Variants in NRXN1 observed in about 807,000 individuals in gnomAD.
The protein encoded by NRXN1 is neurexin-1.
A neutral mutation model predicts 150.9 loss-of-function variants in NRXN1; 39 were observed. The ratio of observed to expected loss-of-function variants is 0.26; its 90% confidence interval spans 0.20 to 0.34. The LOEUF (loss-of-function observed/expected upper bound fraction) is 0.34, where lower values mean the gene tolerates loss of function less well. NRXN1 is among the 10% of genes least tolerant of loss of function. The pLI, the probability that NRXN1 is intolerant of heterozygous loss-of-function variation, is 1.00. For missense variants in NRXN1, 1,815 were observed against 1,949.9 expected (o/e 0.93, Z 1.30); for synonymous variants, 924 against 757.0 (o/e 1.22, Z -3.62).
At chr2:50,953,328 A>G (rs997731763) in intron 2 of NRXN1, among the ~76,000 whole-genome samples, 7 of 152,176 alleles carry the variant, frequency 4.6e-5, no homozygotes, top group Admixed American at 4.6e-4. Flanking sequence ...AGAAGCCCAT[A>G]ACAAATTGTC....
At chr2:50,915,084 G>A (rs559273037) in intron 5 of NRXN1, among the ~76,000 whole-genome samples, 1 of 151,768 alleles carries the variant, frequency 6.6e-6, no homozygotes, top group East Asian at 1.9e-4. Context: ...CCAAATTGCA[G>A]TATTAAGCAG....
intron 21 of NRXN1, among the ~76,000 whole-genome samples, chr2:50,019,978 G>A (rs67594428): frequency 0.37 from 30,889 of 82,390 alleles, 8,692 homozygotes; most frequent in East Asian, 0.53. Flanking sequence ...AAAAAAGAGA[G>A]AGAGAGAGAC....
At chr2:50,630,909 C>T (rs1682189094) in intron 5 of NRXN1, among the ~76,000 whole-genome samples, 1 of 151,676 alleles carries the variant, frequency 6.6e-6, no homozygotes, top group African/African-American at 2.4e-5. Flanking sequence ...ATTATTAAAA[C>T]AAATAAGCCA....
intron 17 of NRXN1, among the ~76,000 whole-genome samples, chr2:50,275,161 T>G (rs74854732): frequency 0.073 from 11,080 of 152,284 alleles, 556 homozygotes; most frequent in Middle Eastern, 0.15. Context: ...TACAATGAAC[T>G]ACCAAATTTA....
chr2:50,808,462 A>G (rs1158379728), intron 5 of NRXN1, among the ~76,000 whole-genome samples: 4 of 151,852 alleles, frequency 2.6e-5, no homozygotes, highest in Non-Finnish European at 1.5e-5. Context: ...CTTTTAATAA[A>G]GTTACTGAAA....
chr2:50,562,822 T>C (rs1016581649), intron 8 of NRXN1, among the ~76,000 whole-genome samples: 25 of 152,152 alleles, frequency 1.6e-4, no homozygotes, highest in African/African-American at 6.0e-4. Flanking sequence ...CTGTTCTGTT[T>C]TATTGATGTT....
chr2:50,293,165 C>T lies in NRXN1; in HGVS notation c.3365-56195G>A, dbSNP rs144166498. ...GATTCTCCACTGCCTTCTTCCATTC[C>T]CAAGCCTGCCTCATTGTCCTGCATA... On this transcript the variant is annotated intron_variant, in intron 17 of 22. Coordinates refer to ENST00000401669, the MANE Select transcript of NRXN1 (RefSeq NM_001330078.2). 6.4e-3 allele frequency among the ~76,000 whole-genome samples: 968 copies of T among 152,186 alleles called. 12 individuals are homozygous for T. The highest frequency in any genetic ancestry group is 0.022 in the African/African-American group (909 of 41,518).
At chr2:50,666,497 A>C (rs1688041505) in intron 5 of NRXN1, among the ~76,000 whole-genome samples, 1 of 151,908 alleles carries the variant, frequency 6.6e-6, no homozygotes, top group Admixed American at 6.6e-5. Context: ...CTCACAAATT[A>C]TTTTCCAAAT....
chr2:49,989,153 C>T lies in NRXN1; in HGVS notation c.4129-45362G>A, dbSNP rs1432604290. On this transcript the variant is annotated intron_variant, in intron 21 of 22. Coordinates refer to ENST00000401669, the MANE Select transcript of NRXN1 (RefSeq NM_001330078.2). ...CATGATGAAAATCCAAGTCCAATGG[C>T]TTGTGTGCCACTTGCCTATAAAAAG... 3.9e-5 allele frequency among the ~76,000 whole-genome samples: 6 copies of T among 152,286 alleles called. No individual in the cohort carries two copies. The South Asian group carries it at 1.2e-3, about 32-fold the overall frequency.
intron 2 of NRXN1, among the ~76,000 whole-genome samples, chr2:50,946,218 C>CAT (rs1690363260): frequency 1.3e-5 from 2 of 152,014 alleles, no homozygotes; most frequent in African/African-American, 2.4e-5. Context: ...TTTGGAAATG[C>CAT]TGCATACGAC....
intron 18 of NRXN1, among the ~76,000 whole-genome samples, chr2:50,133,402 C>G (rs1705865780): frequency 6.6e-6 from 1 of 152,134 alleles, no homozygotes. Context: ...AGAACAACCA[C>G]TGAAAATTCT....
chr2:49,936,454 T>C (rs1001938488), intron 22 of NRXN1, among the ~76,000 whole-genome samples: 3 of 152,188 alleles, frequency 2.0e-5, no homozygotes, highest in African/African-American at 7.2e-5. Flanking sequence ...GTATGTGGTA[T>C]GTTCCAGACA....
chr2:50,877,532 C>T (rs1224110011), intron 5 of NRXN1, among the ~76,000 whole-genome samples: 4 of 151,856 alleles, frequency 2.6e-5, no homozygotes, highest in African/African-American at 9.7e-5. Flanking sequence ...TCTTTGAGTT[C>T]TTTATGCTTT....
chr2:50,493,692 T>C (rs1408917235), intron 15 of NRXN1, among the ~76,000 whole-genome samples: 1 of 152,184 alleles, frequency 6.6e-6, no homozygotes, highest in Admixed American at 6.5e-5. Flanking sequence ...GGGATGACTG[T>C]TGCCATCGGA....
chr2:50,997,000 C>T (rs1699400061), intron 2 of NRXN1, among the ~76,000 whole-genome samples: 1 of 151,902 alleles, frequency 6.6e-6, no homozygotes, highest in Non-Finnish European at 1.5e-5. Context: ...GAGTCAATGA[C>T]AATTTTTACT....
At chr2:50,878,867 T>G (rs966670890) in intron 5 of NRXN1, among the ~76,000 whole-genome samples, 1 of 151,966 alleles carries the variant, frequency 6.6e-6, no homozygotes, top group Non-Finnish European at 1.5e-5. Flanking sequence ...AAGATTCTCA[T>G]GTACAAACAA....
At chr2:50,613,448 T>C (rs1678516050) in intron 8 of NRXN1, among the ~76,000 whole-genome samples, 1 of 152,196 alleles carries the variant, frequency 6.6e-6, no homozygotes, top group Non-Finnish European at 1.5e-5. Context: ...AATGACATAC[T>C]GTATAGTGCA....
intron 5 of NRXN1, among the ~76,000 whole-genome samples, chr2:50,870,632 C>A (rs551713605): frequency 6.6e-6 from 1 of 152,022 alleles, no homozygotes; most frequent in Non-Finnish European, 1.5e-5. Context: ...AGCTTGTAAC[C>A]CATGTGTTGC....
chr2:49,947,110 A>G (rs1326270882), intron 21 of NRXN1, among the ~76,000 whole-genome samples: 2 of 152,108 alleles, frequency 1.3e-5, no homozygotes, highest in Non-Finnish European at 2.9e-5. Flanking sequence ...AGAGGAGATA[A>G]TCAGCTTTTT....
Sources: gnomAD v4.1 joint callset for allele counts (sites outside exome capture counted in the v4.1 genomes callset) on GRCh38, gnomAD v4.1.1 for gene constraint, MANE v1.5 for transcripts, NCBI Gene and HGNC (gene_info 2026-07-23, HGNC 2026-07-21) for gene names.